Variants in PRDM10 observed in about 807,000 individuals in gnomAD.
PRDM10 encodes the protein PR/SET domain 10.
In PRDM10, 65 loss-of-function variants were observed where a neutral mutation model predicts 133.1. The ratio of observed to expected loss-of-function variants is 0.49; its 90% CI spans 0.40 to 0.60. The LOEUF is 0.60. Ranked by LOEUF, PRDM10 falls within the 20% of genes least tolerant of loss-of-function variation. The pLI is 0.00. For missense variants in PRDM10, 1,137 were observed against 1,507.1 expected (o/e 0.75, Z 4.07); for synonymous variants, 582 against 580.4 (o/e 1.00, Z -0.04).
In PRDM10 at chr11:129,938,057, C is replaced by T. The variant is rs112820918; in HGVS notation, c.967-387G>A. 3.8e-3 allele frequency among the ~76,000 whole-genome samples: 574 copies of T among 152,274 alleles called. 3 individuals are homozygous for T. The highest frequency in any genetic ancestry group is 0.012 in the African/African-American group (508 of 41,562). On this transcript the variant is annotated intron_variant, in intron 7 of 20. Transcript: ENST00000360871. ...CAGCCCTTACTGGGGTCACCAATGA[C>T]ACCTTCCAAGGCAACCACCTTCTCC...
chr11:129,925,802 TG>T (rs1273659619), intron 11 of PRDM10, among the ~76,000 whole-genome samples: 1 of 152,150 alleles, frequency 6.6e-6, no homozygotes, highest in East Asian at 1.9e-4. Flanking sequence ...AGGTTTCTTT[TG>T]GGGGTAATGG....
At chr11:129,926,734 G>T (rs1219029750) in intron 11 of PRDM10, among the ~76,000 whole-genome samples, 2 of 152,164 alleles carry the variant, frequency 1.3e-5, no homozygotes, top group African/African-American at 2.4e-5. Context: ...AGCTGATGGG[G>T]CTGCTTCAGG....
At chr11:129,985,794 AAAAAAAAAAAAAAAAATATAT>A (rs1204262827) in intron 1 of PRDM10, among the ~76,000 whole-genome samples, 7 of 126,026 alleles carry the variant, frequency 5.6e-5, no homozygotes, top group East Asian at 2.4e-4. Context: ...AAAAAAAAAA[AAAAAAAAAAAAAAAAATATAT>A]ATATATATAT....
intron 6 of PRDM10, among the ~76,000 whole-genome samples, chr11:129,944,231 T>G (rs1446543570): frequency 6.6e-6 from 1 of 152,084 alleles, no homozygotes; most frequent in African/African-American, 2.4e-5. Flanking sequence ...TCTGTGGTAT[T>G]TTACTACGGC....
intron 20 of PRDM10, among the ~76,000 whole-genome samples, chr11:129,904,155 TAA>T (rs11409202): frequency 1.8e-4 from 19 of 107,400 alleles, no homozygotes; most frequent in East Asian, 2.6e-4. Context: ...CTCAGTATAC[TAA>T]AAAAAAAAAA....
At chr11:129,921,753 G>A (rs1381234754) in intron 13 of PRDM10, among the ~76,000 whole-genome samples, 2 of 152,190 alleles carry the variant, frequency 1.3e-5, no homozygotes, top group African/African-American at 2.4e-5. Context: ...AGCCTGGAAG[G>A]TGGAAAGGAA....
intron 1 of PRDM10, among the ~76,000 whole-genome samples, chr11:129,974,991 T>C (rs553431343): frequency 5.3e-5 from 8 of 152,154 alleles, no homozygotes; most frequent in African/African-American, 1.4e-4. Context: ...AGACAGAACG[T>C]AGAACAGTGG....
chr11:129,910,265 G>C (rs113093915), intron 19 of PRDM10, among the ~76,000 whole-genome samples: 8 of 152,214 alleles, frequency 5.3e-5, no homozygotes, highest in African/African-American at 1.9e-4. Flanking sequence ...CAATATACCT[G>C]ACGTTTCGAA....
Position 129,900,550 on chromosome 11 carries a change from G to GT in PRDM10, c.*1762dup, listed in dbSNP as rs1297132434. Reference sequence around the variant, plus strand: ...CCTTATGGTTCAAATTAAAAAGAACGTAACAGGGCCAAATTTAAGTTATAA... The same window carrying GT: ...CCTTATGGTTCAAATTAAAAAGAACGTTAACAGGGCCAAATTTAAGTTATAA... On this transcript the variant is annotated 3_prime_UTR_variant, in exon 21 of 21. Coordinates refer to ENST00000360871, the MANE Select transcript of PRDM10 (RefSeq NM_199437.2). 3 of 152,570 alleles carry GT rather than the reference G, an allele frequency of 2.0e-5. No homozygotes were observed. The highest frequency in any genetic ancestry group is 4.8e-5 in the African/African-American group (2 of 41,436). The allele number at this position is 152,570 out of a possible 1,614,324, so 9.5% of individuals were successfully genotyped here.
At chr11:129,929,377 T>C (rs1157921723) in intron 11 of PRDM10, 3 of 1,559,418 alleles carry the variant, frequency 1.9e-6, no homozygotes, top group African/African-American at 1.4e-5. Flanking sequence ...ACAAGTAACA[T>C]TCTGTTATGT....
chr11:129,997,162 G>C (rs1000259790), intron 1 of PRDM10, among the ~76,000 whole-genome samples: 2 of 152,194 alleles, frequency 1.3e-5, no homozygotes, highest in African/African-American at 4.8e-5. Flanking sequence ...TGTAGGTTAT[G>C]TTTCTCCAAT....
chr11:129,907,768 G>A (rs1234809464), intron 19 of PRDM10, among the ~76,000 whole-genome samples: 1 of 151,602 alleles, frequency 6.6e-6, no homozygotes, highest in East Asian at 2.0e-4. Flanking sequence ...CCCTGACTGG[G>A]TATTTTAAAT....
At chr11:129,924,739 T>C (rs1023219716) in intron 12 of PRDM10, 143 bp downstream of exon 12, 12 of 696,688 alleles carry the variant, frequency 1.7e-5, no homozygotes, top group Non-Finnish European at 2.9e-5. Context: ...GTAGTTTGAT[T>C]GAAGAAATAT....
intron 20 of PRDM10, among the ~76,000 whole-genome samples, chr11:129,904,057 C>T (rs993734577): frequency 1.3e-5 from 2 of 149,452 alleles, no homozygotes; most frequent in Non-Finnish European, 3.0e-5. Context: ...TTACTGTTTT[C>T]ACTGACAATT....
At chr11:129,996,908 A>G (rs780004462) in intron 1 of PRDM10, among the ~76,000 whole-genome samples, 5 of 152,196 alleles carry the variant, frequency 3.3e-5, no homozygotes, top group African/African-American at 4.8e-5. Context: ...ATCCCTAGTA[A>G]TAATTAAGAA....
chr11:129,921,661 T>C (rs1451777174), intron 13 of PRDM10, among the ~76,000 whole-genome samples: 1 of 152,224 alleles, frequency 6.6e-6, no homozygotes, highest in East Asian at 1.9e-4. Context: ...TGGGTCAACT[T>C]GGCTAAGGGG....
rs985237359 is a variant in PRDM10, at chr11:129,914,014, A to AT, written c.2841+689dup. ...TGACTGATATGCAGAGATTGACTCA[A>AT]TTTTTTTTTTTGAGTCCTGTTCTGT... is the stretch of plus-strand genomic sequence containing the variant. On this transcript the variant is annotated intron_variant, in intron 17 of 20. Transcript: ENST00000360871. 6.7e-3 allele frequency among the ~76,000 whole-genome samples: 999 copies of AT among 148,944 alleles called. 14 individuals are homozygous for AT. Among genetic ancestry groups the AT allele is most frequent in the African/African-American group, 0.022 (879 of 40,834 alleles).
At chr11:129,907,612 C>T (rs1565447070) in intron 19 of PRDM10, among the ~76,000 whole-genome samples, 1 of 151,850 alleles carries the variant, frequency 6.6e-6, no homozygotes. Context: ...ATTATGTTGG[C>T]CAGGCTGGTC....
chr11:129,911,952 G>T, intron 18 of PRDM10, 133 bp downstream of exon 18: 1 of 1,200,982 alleles, frequency 8.3e-7, no homozygotes. Context: ...GCAAAGGTAA[G>T]ATCCTTTAAT....
Sources: allele counts gnomAD v4.1 joint callset (sites outside exome capture counted in the v4.1 genomes callset), GRCh38; gene constraint gnomAD v4.1.1; transcripts MANE v1.5; gene names NCBI Gene and HGNC (gene_info 2026-07-23, HGNC 2026-07-21).